PLPPR1: variants seen among roughly 807,000 people sequenced by gnomAD.
PLPPR1 encodes phospholipid phosphatase-related protein type 1.
PLPPR1 carries 10 observed loss-of-function variants against 33.1 expected under a neutral mutation model. That is an observed-to-expected ratio of 0.30 (90% confidence interval 0.19 to 0.51). The LOEUF is 0.51. Ranked by LOEUF, PLPPR1 falls within the 20% of genes least tolerant of loss-of-function variation. The probability of loss-of-function intolerance (pLI) is 0.97; values close to 1 mark genes in which losing one functional copy is unlikely to be tolerated. For synonymous variants in PLPPR1, 151 were observed against 151.0 expected (o/e 1.00, Z 0.00); for missense variants, 304 against 408.1 (o/e 0.74, Z 2.20).
intron 1 of PLPPR1, among the ~76,000 whole-genome samples, chr9:101,132,679 A>G (rs1361691137): frequency 6.6e-6 from 1 of 152,186 alleles, no homozygotes; most frequent in African/African-American, 2.4e-5. Flanking sequence ...ATGATGTGTC[A>G]GTGTAAGTTT....
intron 1 of PLPPR1, among the ~76,000 whole-genome samples, chr9:101,050,305 G>T (rs187874466): frequency 6.6e-6 from 1 of 152,012 alleles, no homozygotes; most frequent in Admixed American, 6.6e-5. Context: ...AAAACAAAAA[G>T]ATGTACATGT....
At chr9:101,236,451 A>G (rs141023095) in intron 2 of PLPPR1, among the ~76,000 whole-genome samples, 1 of 151,736 alleles carries the variant, frequency 6.6e-6, no homozygotes, top group East Asian at 1.9e-4. Context: ...ATTTCTATAA[A>G]TGTGGACCAA....
intron 1 of PLPPR1, among the ~76,000 whole-genome samples, chr9:101,154,808 G>T (rs1005071150): frequency 6.6e-6 from 1 of 152,034 alleles, no homozygotes; most frequent in Non-Finnish European, 1.5e-5. Context: ...CATGTCCTTT[G>T]TAGGAACATG....
chr9:101,276,795 C>G (rs1828205875), intron 3 of PLPPR1, among the ~76,000 whole-genome samples: 1 of 152,164 alleles, frequency 6.6e-6, no homozygotes, highest in Admixed American at 6.5e-5. Flanking sequence ...TGGAGTAAGA[C>G]CAGTAGAGAG....
chr9:101,286,079 C>T lies in PLPPR1; in HGVS notation c.253-25C>T, dbSNP rs1271366280. On this transcript the variant is annotated intron_variant, in intron 3 of 7. Coordinates refer to ENST00000374874, the MANE Select transcript of PLPPR1 (RefSeq NM_207299.2). ...CTTATCAAACAGATCTCCAACTTGACATTTCTTAAACATTCCTTCCCTAGA... is the reference window on the plus strand; with the variant it reads ...CTTATCAAACAGATCTCCAACTTGATATTTCTTAAACATTCCTTCCCTAGA... 6.9e-6 allele frequency: 11 copies of T among 1,601,686 alleles called. No homozygotes were observed. The East Asian group carries it at 1.6e-4, about 23-fold the overall frequency.
intron 2 of PLPPR1, among the ~76,000 whole-genome samples, chr9:101,237,640 T>C (rs1446175367): frequency 2.3e-5 from 3 of 130,104 alleles, no homozygotes; most frequent in African/African-American, 8.1e-5. Flanking sequence ...CATATATATA[T>C]ATACACACAC....
intron 2 of PLPPR1, among the ~76,000 whole-genome samples, chr9:101,253,438 T>C (rs1244064255): frequency 6.6e-6 from 1 of 151,936 alleles, no homozygotes; most frequent in East Asian, 1.9e-4. Context: ...TTACAGCTAC[T>C]TGGGAGGCTG....
At chr9:101,206,525 C>T (rs1391941031) in intron 2 of PLPPR1, among the ~76,000 whole-genome samples, 1 of 152,242 alleles carries the variant, frequency 6.6e-6, no homozygotes, top group Non-Finnish European at 1.5e-5. Context: ...CTGTTCTGTG[C>T]TTTTGAGTTG....
chr9:101,285,110 G>A (rs1179886373), intron 3 of PLPPR1, among the ~76,000 whole-genome samples: 1 of 152,128 alleles, frequency 6.6e-6, no homozygotes, highest in Non-Finnish European at 1.5e-5. Context: ...AGACTATGCT[G>A]AAGTGCCTAA....
At chr9:101,209,151 G>A (rs1349509727) in intron 2 of PLPPR1, among the ~76,000 whole-genome samples, 1 of 152,204 alleles carries the variant, frequency 6.6e-6, no homozygotes, top group Non-Finnish European at 1.5e-5. Context: ...CTGTGGGGTA[G>A]GGCCCAGTAA....
At position 101,256,747 on chromosome 9, in the gene PLPPR1, T is replaced by C. The variant is rs1412228537; in HGVS notation, c.64-13133T>C. On this transcript the variant is annotated intron_variant, in intron 2 of 7. Transcript: ENST00000374874. ...TATGAGATGGCATTTGTCTCTGAGT[T>C]CCTCAAAATGGTCCAAGCAAAATGT... Among the ~76,000 whole-genome samples, 10 of 151,984 alleles carry C rather than the reference T, an allele frequency of 6.6e-5. No homozygotes were observed. In the East Asian group the frequency reaches 1.9e-3, roughly 29 times the overall value.
chr9:101,145,305 G>T (rs113351486), intron 1 of PLPPR1, among the ~76,000 whole-genome samples: 2 of 152,198 alleles, frequency 1.3e-5, no homozygotes, highest in African/African-American at 4.8e-5. Flanking sequence ...ATTTAAGGTA[G>T]TTCATGTGTT....
At chr9:101,270,444 T>C (rs1038952342) in intron 3 of PLPPR1, among the ~76,000 whole-genome samples, 3 of 152,214 alleles carry the variant, frequency 2.0e-5, no homozygotes, top group Non-Finnish European at 4.4e-5. Context: ...GGCACTGATA[T>C]AATGGCTGAG....
At chr9:101,228,942 C>T (rs752342183) in intron 2 of PLPPR1, among the ~76,000 whole-genome samples, 17 of 40,738 alleles carry the variant, frequency 4.2e-4, no homozygotes, top group Non-Finnish European at 6.5e-4. Flanking sequence ...CTCCCACCCA[C>T]CCTCAAGTCA....
chr9:101,241,700 C>A (rs954711598), intron 2 of PLPPR1, among the ~76,000 whole-genome samples: 2 of 152,080 alleles, frequency 1.3e-5, no homozygotes, highest in East Asian at 2.0e-4. Flanking sequence ...AGGTAGACGA[C>A]CCTGAAGGAG....
intron 1 of PLPPR1, among the ~76,000 whole-genome samples, chr9:101,062,253 A>T (rs1830357051): frequency 6.6e-6 from 1 of 151,976 alleles, no homozygotes. Flanking sequence ...ATTAAACAAC[A>T]TTAACCACCT....
At chr9:101,310,273 C>T (rs1396250439) in intron 5 of PLPPR1, among the ~76,000 whole-genome samples, 3 of 152,208 alleles carry the variant, frequency 2.0e-5, no homozygotes, top group Admixed American at 1.3e-4. Flanking sequence ...CTCAAAGGCT[C>T]CACGGGCTGA....
chr9:101,145,926 G>A (rs1291176366), intron 1 of PLPPR1, among the ~76,000 whole-genome samples: 1 of 151,866 alleles, frequency 6.6e-6, no homozygotes, highest in African/African-American at 2.4e-5. Context: ...TGAGGCAGGA[G>A]GACCCCTTGA....
intron 1 of PLPPR1, among the ~76,000 whole-genome samples, chr9:101,109,216 C>T (rs886966837): frequency 4.3e-4 from 64 of 150,524 alleles, no homozygotes; most frequent in Admixed American, 4.0e-4. Flanking sequence ...CGTCACGATC[C>T]GCCGGCCTCG....
Sources: allele counts gnomAD v4.1 joint callset (sites outside exome capture counted in the v4.1 genomes callset), GRCh38; gene constraint gnomAD v4.1.1; transcripts MANE v1.5; gene names NCBI Gene and HGNC (gene_info 2026-07-23, HGNC 2026-07-21).